Variants in TAFA4 observed in about 807,000 individuals in gnomAD.
TAFA4 encodes TAFA chemokine like family member 4, also known as chemokine-like protein TAFA-4.
In TAFA4, 20 loss-of-function variants were observed where a neutral mutation model predicts 21.1. The observed-to-expected ratio is 0.95, with a 90% CI of 0.67 to 1.38. The LOEUF (loss-of-function observed/expected upper bound fraction) is 1.38. TAFA4 is among the 40% of genes most tolerant of loss of function. The pLI, the probability that TAFA4 is intolerant of heterozygous loss-of-function variation, is 0.00. For synonymous variants in TAFA4, 71 were observed against 67.4 expected (o/e 1.05, Z -0.26); for missense variants, 211 against 180.9 (o/e 1.17, Z -0.95).
intron 1 of TAFA4, among the ~76,000 whole-genome samples, chr3:68,893,245 T>C (rs1264528620): frequency 6.6e-6 from 1 of 152,206 alleles, no homozygotes; most frequent in Admixed American, 6.5e-5. Flanking sequence ...TGAAAAGTTT[T>C]TACATGATAG....
intron 1 of TAFA4, among the ~76,000 whole-genome samples, chr3:68,895,335 G>A (rs755094080): frequency 1.3e-5 from 2 of 152,106 alleles, no homozygotes; most frequent in Non-Finnish European, 2.9e-5. Flanking sequence ...AGGTTTCACC[G>A]TGTTGGCCAG....
intron 1 of TAFA4, among the ~76,000 whole-genome samples, chr3:68,895,842 G>A (rs1183339500): frequency 1.3e-5 from 2 of 152,212 alleles, no homozygotes; most frequent in African/African-American, 2.4e-5. Context: ...GTTAACTGTG[G>A]ACTGAGAGAA....
chr3:68,861,582 T>C (rs2089345171), intron 3 of TAFA4, among the ~76,000 whole-genome samples: 2 of 151,988 alleles, frequency 1.3e-5, no homozygotes. Flanking sequence ...TGGACCCATG[T>C]AGTCAAAGCA....
chr3:68,799,477 T>A (rs962707823), intron 3 of TAFA4, among the ~76,000 whole-genome samples: 1 of 152,124 alleles, frequency 6.6e-6, no homozygotes, highest in Non-Finnish European at 1.5e-5. Flanking sequence ...TTTCAACACA[T>A]GAATTTTGAG....
intron 3 of TAFA4, among the ~76,000 whole-genome samples, chr3:68,762,323 A>T (rs1463158834): frequency 6.6e-6 from 1 of 152,200 alleles, no homozygotes; most frequent in Admixed American, 6.5e-5. Flanking sequence ...AAATGGTGTT[A>T]TCAAGGCAAG....
At chr3:68,820,246 A>C (rs1704082819) in intron 3 of TAFA4, among the ~76,000 whole-genome samples, 3 of 152,236 alleles carry the variant, frequency 2.0e-5, no homozygotes, top group Admixed American at 1.3e-4. Context: ...GAACTCATAG[A>C]AACAGGGAGT....
intron 3 of TAFA4, among the ~76,000 whole-genome samples, chr3:68,875,869 G>A (rs2089543888): frequency 6.6e-6 from 1 of 151,204 alleles, no homozygotes; most frequent in African/African-American, 2.4e-5. Context: ...TTGAGGTTAC[G>A]AATCCCACTT....
chr3:68,931,722 G>T (rs2090160094), intron 1 of TAFA4, among the ~76,000 whole-genome samples: 1 of 142,082 alleles, frequency 7.0e-6, no homozygotes, highest in Non-Finnish European at 1.5e-5. Context: ...CCTCCCGAGC[G>T]CTCGCTGCGC....
intron 3 of TAFA4, among the ~76,000 whole-genome samples, chr3:68,814,651 A>G (rs1703922648): frequency 6.6e-6 from 1 of 152,204 alleles, no homozygotes; most frequent in Non-Finnish European, 1.5e-5. Context: ...CCACTGCTCA[A>G]TGAAATAAAA....
rs190702744 is a variant in TAFA4 at position 68,895,113 on chromosome 3, T to A, written c.-122-9803A>T. Among the ~76,000 whole-genome samples, 13 of 152,250 alleles carry A rather than the reference T, an allele frequency of 8.5e-5. No individual in the cohort carries two copies. In the East Asian group the frequency reaches 2.5e-3, roughly 29 times the overall value. On this transcript the variant is annotated intron_variant, in intron 1 of 5. Transcript: ENST00000295569. Reference sequence around the variant, plus strand: ...CCTGGGTTCAAGCAATTCTCCTGCCTCAGCCTCCTGAGTAGCTGGGATTAC... The same window carrying A: ...CCTGGGTTCAAGCAATTCTCCTGCCACAGCCTCCTGAGTAGCTGGGATTAC...
chr3:68,778,802 G>A (rs372265550), intron 3 of TAFA4, among the ~76,000 whole-genome samples: 294 of 152,288 alleles, frequency 1.9e-3, no homozygotes, highest in African/African-American at 6.6e-3. Context: ...TTTAGCAGCA[G>A]CATGAAAACA....
chr3:68,870,270 C>T (rs944557923), intron 3 of TAFA4, among the ~76,000 whole-genome samples: 2 of 152,064 alleles, frequency 1.3e-5, no homozygotes, highest in Non-Finnish European at 2.9e-5. Context: ...AATGTCAATA[C>T]TACCCAAAGT....
chr3:68,931,979 T>C (rs2090163657), intron 1 of TAFA4, among the ~76,000 whole-genome samples: 2 of 152,024 alleles, frequency 1.3e-5, no homozygotes, highest in African/African-American at 4.8e-5. Context: ...ACCCCGAAAC[T>C]GGAAGCGGCC....
chr3:68,865,597 C>T (rs552338784), intron 3 of TAFA4, among the ~76,000 whole-genome samples: 2 of 152,154 alleles, frequency 1.3e-5, no homozygotes, highest in South Asian at 2.1e-4. Context: ...AACTGTGAGT[C>T]GATTAAACCT....
chr3:68,852,500 T>C (rs1489217047), intron 3 of TAFA4, among the ~76,000 whole-genome samples: 1 of 152,178 alleles, frequency 6.6e-6, no homozygotes, highest in Non-Finnish European at 1.5e-5. Context: ...AAAGGCAGCC[T>C]GTTTCAACAG....
chr3:68,760,859 A>T (rs1702744975), intron 3 of TAFA4, among the ~76,000 whole-genome samples: 1 of 152,238 alleles, frequency 6.6e-6, no homozygotes. Flanking sequence ...CATTTGATGG[A>T]CAAACTTGGT....
chr3:68,911,712 G>A (rs2089963287), intron 1 of TAFA4, among the ~76,000 whole-genome samples: 1 of 152,120 alleles, frequency 6.6e-6, no homozygotes, highest in Non-Finnish European at 1.5e-5. Context: ...GGATAAGGAG[G>A]GAAAACTGCT....
At chr3:68,836,686 A>C (rs779865603) in intron 3 of TAFA4, among the ~76,000 whole-genome samples, 20 of 152,222 alleles carry the variant, frequency 1.3e-4, no homozygotes, top group Non-Finnish European at 2.5e-4. Context: ...GTTACATTTC[A>C]ATAGTCTTTC....
chr3:68,832,816 C>T (rs934461999), intron 3 of TAFA4, among the ~76,000 whole-genome samples: 6 of 152,230 alleles, frequency 3.9e-5, no homozygotes, highest in Non-Finnish European at 8.8e-5. Flanking sequence ...AGGCAGTAGG[C>T]CTTGCTGAGC....
Sources: gnomAD v4.1 joint callset for allele counts (sites outside exome capture counted in the v4.1 genomes callset) on GRCh38, gnomAD v4.1.1 for gene constraint, MANE v1.5 for transcripts, NCBI Gene and HGNC (gene_info 2026-07-23, HGNC 2026-07-21) for gene names.